Variants in HIPK2 observed in about 807,000 individuals in gnomAD.
The protein encoded by HIPK2 is homeodomain interacting protein kinase 2.
HIPK2 carries 27 observed loss-of-function variants against 113.7 expected under a neutral mutation model. That is an observed-to-expected ratio of 0.24 (90% CI 0.17 to 0.33). HIPK2 has a LOEUF of 0.33. Among genes scored for constraint, HIPK2 ranks in the 10% least tolerant of loss-of-function variants. The pLI, the probability that HIPK2 is intolerant of heterozygous loss-of-function variation, is 1.00. For missense variants in HIPK2, 1,257 were observed against 1,588.0 expected (o/e 0.79, Z 3.54); for synonymous variants, 631 against 642.2 (o/e 0.98, Z 0.26).
intron 2 of HIPK2, among the ~76,000 whole-genome samples, chr7:139,696,720 G>A (rs1452107606): frequency 6.6e-6 from 1 of 152,158 alleles, no homozygotes; most frequent in Non-Finnish European, 1.5e-5. Flanking sequence ...AAAGTAAAGG[G>A]GGCGGGGTGA....
At chr7:139,741,569 T>C (rs1796099326) in intron 1 of HIPK2, among the ~76,000 whole-genome samples, 1 of 152,234 alleles carries the variant, frequency 6.6e-6, no homozygotes, top group Admixed American at 6.5e-5. Flanking sequence ...GGCAGGTAGC[T>C]TGAGATCCTG....
Position 139,683,585 on chromosome 7 carries a change from C to T in HIPK2, c.1103+32347G>A, listed in dbSNP as rs1467513827. On this transcript the variant is annotated intron_variant, in intron 2 of 14. Transcript: ENST00000406875. The surrounding 1 kb of genome is among the most constrained non-coding windows in gnomAD (Gnocchi z 4.2). ...GGAAGTGAAACACCGTCATTTCTGC[C>T]AGATTCTCTGGGTCACACAGACCAA... 6.6e-6 allele frequency among the ~76,000 whole-genome samples: 1 copy of T among 152,162 alleles called. No individual in the cohort carries two copies. Among genetic ancestry groups the T allele is most frequent in the African/African-American group, 2.4e-5 (1 of 41,430 alleles).
At chr7:139,649,236 A>G (rs1393111002) in intron 2 of HIPK2, among the ~76,000 whole-genome samples, 2 of 151,944 alleles carry the variant, frequency 1.3e-5, no homozygotes, top group African/African-American at 4.8e-5. Context: ...TGACTCGGTG[A>G]CCACTGCTGC....
chr7:139,670,747 CTTTCTTTCTTTCTTTTTTTTTTTT>C (rs1180082721), intron 2 of HIPK2, among the ~76,000 whole-genome samples: 2 of 74,800 alleles, frequency 2.7e-5, no homozygotes, highest in African/African-American at 1.4e-4. Flanking sequence ...TTCTTTCTTT[CTTTCTTTCTTTCTTTTTTTTTTTT>C]TTTTTTTTTT....
At chr7:139,596,654 G>T in intron 12 of HIPK2, 63 bp downstream of exon 12, 1 of 1,570,750 alleles carries the variant, frequency 6.4e-7, no homozygotes, top group South Asian at 1.2e-5. Context: ...AAGATGGTCA[G>T]ATCTGCACAC....
At chr7:139,717,241 C>T (rs1034763697) in intron 1 of HIPK2, among the ~76,000 whole-genome samples, 1 of 152,140 alleles carries the variant, frequency 6.6e-6, no homozygotes, top group Non-Finnish European at 1.5e-5. Context: ...CATTAGGTGC[C>T]AGCAACACAG....
At chr7:139,691,274 CTGA>C (rs1794397287) in intron 2 of HIPK2, among the ~76,000 whole-genome samples, 1 of 152,200 alleles carries the variant, frequency 6.6e-6, no homozygotes, top group South Asian at 2.1e-4. Flanking sequence ...GGCACCCTTG[CTGA>C]TAAAACCGAA....
At chr7:139,632,161 A>C (rs1800639732) in intron 2 of HIPK2, among the ~76,000 whole-genome samples, 1 of 152,280 alleles carries the variant, frequency 6.6e-6, no homozygotes, top group African/African-American at 2.4e-5. Flanking sequence ...CTATCTAGAG[A>C]TGGGAACTCA....
chr7:139,615,841 T>C (rs1218885137), intron 7 of HIPK2, among the ~76,000 whole-genome samples: 1 of 152,204 alleles, frequency 6.6e-6, no homozygotes, highest in Non-Finnish European at 1.5e-5. Context: ...ATCACGAAAT[T>C]GAGTGGCACA....
intron 2 of HIPK2, among the ~76,000 whole-genome samples, chr7:139,687,452 G>A (rs1054329246): frequency 3.9e-5 from 6 of 152,164 alleles, no homozygotes; most frequent in African/African-American, 1.4e-4. Flanking sequence ...TATCTCTGAG[G>A]TATTTATAAT....
rs376015762 is a variant in HIPK2 at position 139,626,582 on chromosome 7, C to T, written c.1619+19G>A. ...AAGTTTGCCGATCCCTGGTACGAAG[C>T]ATCAGGCAGGACACCTACTGTGTGC... On this transcript the variant is annotated intron_variant, in intron 6 of 14. Transcript: ENST00000406875. The T allele has an allele frequency of 2.5e-6, 4 of 1,608,150 alleles. No individual in the cohort carries two copies. The highest frequency in any genetic ancestry group is 3.4e-6 in the Non-Finnish European group (4 of 1,176,430).
chr7:139,769,428 C>G (rs941244183), intron 1 of HIPK2, among the ~76,000 whole-genome samples: 1 of 152,224 alleles, frequency 6.6e-6, no homozygotes, highest in African/African-American at 2.4e-5. Flanking sequence ...CTGATAATAT[C>G]GGTCCCCTTC....
intron 12 of HIPK2, among the ~76,000 whole-genome samples, chr7:139,584,809 G>A (rs887250891): frequency 2.6e-5 from 4 of 152,184 alleles, no homozygotes; most frequent in Non-Finnish European, 4.4e-5. Context: ...GTATTGCACC[G>A]GGGCCTGGTG....
At chr7:139,715,107 A>G (rs1182442961) in intron 2 of HIPK2, among the ~76,000 whole-genome samples, 1 of 152,190 alleles carries the variant, frequency 6.6e-6, no homozygotes, top group Admixed American at 6.5e-5. Flanking sequence ...GGGTCCCTGA[A>G]AAGCTTCCAG....
intron 2 of HIPK2, among the ~76,000 whole-genome samples, chr7:139,666,171 G>A (rs1232892304): frequency 6.6e-6 from 1 of 152,094 alleles, no homozygotes; most frequent in East Asian, 1.9e-4. Flanking sequence ...ATTCACTAGT[G>A]TACTGAAGAG....
At chr7:139,748,811 T>C (rs976616443) in intron 1 of HIPK2, among the ~76,000 whole-genome samples, 1 of 152,108 alleles carries the variant, frequency 6.6e-6, no homozygotes, top group African/African-American at 2.4e-5. Context: ...TGACAGGCCC[T>C]CAAAGCCTCA....
At chr7:139,715,738 TG>T in intron 2 of HIPK2, 193 bp downstream of exon 2, 1 of 424,060 alleles carries the variant, frequency 2.4e-6, no homozygotes, top group Non-Finnish European at 3.2e-6. Flanking sequence ...GGATCTTACC[TG>T]GCTCCGTTCT....
chr7:139,640,662 C>A (rs1191110078), intron 2 of HIPK2, among the ~76,000 whole-genome samples: 1 of 150,130 alleles, frequency 6.7e-6, no homozygotes, highest in Non-Finnish European at 1.5e-5. Flanking sequence ...TTTTTTTTTT[C>A]TTTTTGAGAC....
intron 4 of HIPK2, among the ~76,000 whole-genome samples, chr7:139,629,300 C>G (rs1351725399): frequency 6.6e-6 from 1 of 152,276 alleles, no homozygotes; most frequent in East Asian, 1.9e-4. Flanking sequence ...ACAGGCTGAT[C>G]AAGGTATGCC....
Sources: gnomAD v4.1 joint callset for allele counts (sites outside exome capture counted in the v4.1 genomes callset) on GRCh38, gnomAD v4.1.1 for gene constraint, Gnocchi (gnomAD v3.1) non-coding constraint, MANE v1.5 for transcripts, NCBI Gene and HGNC (gene_info 2026-07-23, HGNC 2026-07-21) for gene names.